The following MYO19 variants were observed in gnomAD, a reference collection of about 807,000 sequenced individuals.
The protein encoded by MYO19 is unconventional myosin-XIX.
MYO19 carries 132 observed loss-of-function variants against 129.2 expected under a neutral mutation model. The ratio of observed to expected loss-of-function variants is 1.02; its 90% CI spans 0.89 to 1.18. The LOEUF is 1.18. MYO19 is among the 50% of genes most tolerant of loss of function. The probability of loss-of-function intolerance (pLI) is 0.00; values close to 1 mark genes in which losing one functional copy is unlikely to be tolerated. For missense variants in MYO19, 1,210 were observed against 1,216.7 expected (o/e 0.99, Z 0.08); for synonymous variants, 531 against 477.2 (o/e 1.11, Z -1.47).
chr17:36,497,319 T>C (rs935613051), intron 25 of MYO19, among the ~76,000 whole-genome samples: 9 of 133,908 alleles, frequency 6.7e-5, no homozygotes, highest in African/African-American at 2.4e-4. Flanking sequence ...TTAAATAACA[T>C]GAAAAAAAAA....
rs979813490 is a variant in MYO19 at position 36,498,088 on chromosome 17, A to G, written c.2757+178T>C. 10 of 616,358 alleles carry G rather than the reference A, an allele frequency of 1.6e-5. No homozygotes were observed. In the East Asian group the frequency reaches 2.2e-4, roughly 14 times the overall value. The allele number at this position is 616,358 out of a possible 1,614,324, so 38.2% of individuals were successfully genotyped here. On this transcript the variant is annotated intron_variant, in intron 25 of 25. Transcript: ENST00000614623. Reference sequence around the variant, plus strand: ...AAAGGGCTCTGGAAGATTCCCAGTTATAACAAAATAAATAATCCAAACCTG... The same window carrying G: ...AAAGGGCTCTGGAAGATTCCCAGTTGTAACAAAATAAATAATCCAAACCTG...
intron 2 of MYO19, among the ~76,000 whole-genome samples, chr17:36,541,096 C>T (rs1043193925): frequency 3.3e-5 from 5 of 151,902 alleles, no homozygotes; most frequent in Admixed American, 6.6e-5. Context: ...TACAGGTGCC[C>T]GCCACCACAC....
chr17:36,531,287 C>T (rs1040093198), intron 3 of MYO19, among the ~76,000 whole-genome samples: 2 of 147,998 alleles, frequency 1.4e-5, no homozygotes, highest in Non-Finnish European at 3.0e-5. Flanking sequence ...CCCAACTACT[C>T]GGGAGGCTGA....
At chr17:36,539,606 CA>C (rs34432307), upstream of MYO19, among the ~76,000 whole-genome samples, 65,583 of 144,432 alleles carry the variant, frequency 0.45, 14,430 homozygotes, top group Middle Eastern at 0.5. Context: ...ACCCTGTCTA[CA>C]AAAAAAAAAA....
intron 14 of MYO19, chr17:36,508,793 G>A: frequency 2.1e-6 from 1 of 483,576 alleles, no homozygotes; most frequent in Non-Finnish European, 3.7e-6. Flanking sequence ...AATTAGAGCT[G>A]GGTCTCTGGG....
At position 36,513,670 on chromosome 17, in the gene MYO19, G is replaced by A. The variant is rs1312440204; in HGVS notation, c.776C>T (p.Ala259Val). ...TGGGTTGGGCAGCCAGGAGAAGGCA[G>A]CTCCCTCAGGAAGGTGCCACTGGAG... Reference protein sequence around the residue: ...ERLQWHLPEGAAFSWLPNPER... With the variant: ...ERLQWHLPEGVAFSWLPNPER... Residue 259 changes from alanine (A) to valine (V), a missense_variant, in exon 10 of 26, where the codon GCT becomes GTT. By Grantham distance (64) the Ala-to-Val change is moderately conservative. Transcript: ENST00000614623. 6.2e-7 allele frequency: 1 copy of A among 1,613,998 alleles called. No homozygotes were observed. The highest frequency in any genetic ancestry group is 1.7e-5 in the Admixed American group (1 of 60,028).
At chr17:36,539,130 A>C (rs1052946072), upstream of MYO19, 1 of 167,226 alleles carries the variant, frequency 6.0e-6, no homozygotes. Flanking sequence ...AGAATGTATT[A>C]AGTAGTATTT....
chr17:36,518,527 AATATATAT>A (rs1555581707), intron 6 of MYO19, among the ~76,000 whole-genome samples: 1 of 41,460 alleles, frequency 2.4e-5, no homozygotes, highest in Non-Finnish European at 4.0e-5. Context: ...AAAAAAAAAA[AATATATAT>A]ATATATATAT....
chr17:36,496,874 C>T (rs2071026243), intron 25 of MYO19, among the ~76,000 whole-genome samples: 1 of 152,166 alleles, frequency 6.6e-6, no homozygotes, highest in African/African-American at 2.4e-5. Flanking sequence ...GTGAATGGGG[C>T]AGAACCAGGA....
chr17:36,497,615 C>A, intron 25 of MYO19: 1 of 881,262 alleles, frequency 1.1e-6, no homozygotes, highest in Non-Finnish European at 1.4e-6. Context: ...GATGGACTCT[C>A]GTCCTGTCAC....
chr17:36,498,797 T>C, intron 24 of MYO19: 1 of 596,930 alleles, frequency 1.7e-6, no homozygotes, highest in Non-Finnish European at 3.0e-6. Context: ...TCCATCAAGA[T>C]ATAACTGATA....
At chr17:36,527,501 T>C (rs368613065) in intron 5 of MYO19, 50 bp downstream of exon 5, 1 of 1,586,374 alleles carries the variant, frequency 6.3e-7, no homozygotes, top group Non-Finnish European at 8.6e-7. Context: ...CAAAGAGGTT[T>C]AGCGGGAGGT....
chr17:36,515,004 AG>A, intron 8 of MYO19, 108 bp downstream of exon 8: 1 of 892,092 alleles, frequency 1.1e-6, no homozygotes, highest in Non-Finnish European at 1.7e-6. Flanking sequence ...ATGCACCAGG[AG>A]GAGCAGGGTT....
chr17:36,525,795 T>G (rs1469289861), intron 5 of MYO19, among the ~76,000 whole-genome samples: 1 of 152,240 alleles, frequency 6.6e-6, no homozygotes, highest in Non-Finnish European at 1.5e-5. Flanking sequence ...TCCATGTGAT[T>G]TAAATTCCAA....
At chr17:36,527,516 G>T (rs774063782) in intron 5 of MYO19, 35 bp downstream of exon 5, 1 of 1,602,876 alleles carries the variant, frequency 6.2e-7, no homozygotes, top group East Asian at 2.2e-5. Context: ...GGAGGTAGAG[G>T]AGCCCTGAGG....
chr17:36,500,751 C>T lies in MYO19; in HGVS notation c.2377+79G>A. 5 of 1,513,536 alleles carry T rather than the reference C, an allele frequency of 3.3e-6. No individual in the cohort carries two copies. The South Asian group carries it at 6.2e-5, about 19-fold the overall frequency. 93.8% of individuals were successfully genotyped at this position (1,513,536 alleles called of 1,614,324 possible). ...GGGACACAGCTTCAGGAGATGGGGA[C>T]TCGACGAGCTATGTTTCAAAGGAAA... On this transcript the variant is annotated intron_variant, in intron 23 of 25. Transcript: ENST00000614623.
intron 9 of MYO19, among the ~76,000 whole-genome samples, chr17:36,513,950 A>G (rs759517275): frequency 1.3e-4 from 20 of 152,188 alleles, no homozygotes; most frequent in Non-Finnish European, 2.8e-4. Context: ...GGAAACCTGC[A>G]GTCTGGTGAA....
At chr17:36,515,731 G>T in intron 7 of MYO19, 127 bp downstream of exon 7, 2 of 1,003,332 alleles carry the variant, frequency 2.0e-6, no homozygotes, top group Non-Finnish European at 1.4e-6. Flanking sequence ...ATCTGAGGCA[G>T]TGAAGGATAC....
chr17:36,537,499 G>A (rs997305566), upstream of MYO19: 12 of 1,613,918 alleles, frequency 7.4e-6, no homozygotes, highest in Middle Eastern at 1.6e-4. Context: ...TCCTGTTTCC[G>A]TGTAATTACC....
Sources: allele counts gnomAD v4.1 joint callset (sites outside exome capture counted in the v4.1 genomes callset), GRCh38; gene constraint gnomAD v4.1.1; transcripts MANE v1.5; gene names NCBI Gene and HGNC (gene_info 2026-07-23, HGNC 2026-07-21).